Variants in RAB24 observed in about 807,000 individuals in gnomAD.
RAB24 encodes RAB24, member RAS oncogene family.
A neutral mutation model predicts 31.4 loss-of-function variants in RAB24; 9 were observed. The ratio of observed to expected loss-of-function variants is 0.29; its 90% CI spans 0.17 to 0.50. The LOEUF is 0.50. Among genes scored for constraint, RAB24 ranks in the 20% least tolerant of loss-of-function variants. RAB24 has a pLI of 0.98. For missense variants in RAB24, 197 were observed against 265.2 expected (o/e 0.74, Z 1.79); for synonymous variants, 106 against 94.1 (o/e 1.13, Z -0.73).
In RAB24 at chr5:177,303,155, C is replaced by T; in HGVS notation, c.117+17G>A. The T allele has an allele frequency of 1.2e-6, 2 of 1,613,536 alleles. No individual in the cohort carries two copies. The highest frequency in any genetic ancestry group is 8.5e-7 in the Non-Finnish European group (1 of 1,179,902). ...ACTCCCCCGCCCACCGTGCCTGGCC[C>T]CTCCGGATGCACTCACGTTCTGATA... On this transcript the variant is annotated intron_variant, in intron 1 of 7. Coordinates refer to ENST00000303251, the MANE Select transcript of RAB24 (RefSeq NM_001031677.4). The surrounding 1 kb of genome is among the most constrained non-coding windows in gnomAD (Gnocchi z 6.1).
Position 177,301,391 on chromosome 5 carries a change from G to T in RAB24, c.*352C>A. On this transcript the variant is annotated 3_prime_UTR_variant, in exon 8 of 8. Transcript: ENST00000303251. ...ATATAAGCAGTGAGGCCAGCCGGGT[G>T]GCCCCAGGAAGAACTAGGTGTCTTG... is the stretch of plus-strand genomic sequence containing the variant. The T allele has an allele frequency of 3.6e-6, 1 of 280,144 alleles. No homozygotes were observed. The highest frequency in any genetic ancestry group is 6.9e-6 in the Non-Finnish European group (1 of 145,764). 17.4% of individuals were successfully genotyped at this position (280,144 alleles called of 1,614,324 possible). A position where few individuals can be genotyped will look rare whatever the true frequency, so the allele number is the denominator to read the frequency against.
chr5:177,303,039 G>T lies in RAB24; in HGVS notation c.156C>A (p.Val52=). ...TACCTAATGTCACAGTCCGGTCTCC[G>T]ACCGACATCACCTTGGCCACGAAGG... ...GAAFVAKVMS[V]GDRTVTLGIW... is the part of the protein sequence containing the mutation. Residue 52 remains valine (V), a synonymous_variant, in exon 2 of 8, where the codon GTC becomes GTA. Coordinates refer to ENST00000303251, the MANE Select transcript of RAB24 (RefSeq NM_001031677.4). This position sits in a 1 kb window ranked among gnomAD's most constrained non-coding sequence, Gnocchi z 6.1. 1.9e-6 allele frequency: 3 copies of T among 1,614,088 alleles called. No individual in the cohort carries two copies. The highest frequency in any genetic ancestry group is 2.5e-6 in the Non-Finnish European group (3 of 1,180,042).
rs1203798502 is a variant in RAB24, at chr5:177,302,836, G to T, written c.187-6C>A. 1 of 1,608,658 alleles carries T rather than the reference G, an allele frequency of 6.2e-7. No homozygotes were observed. The highest frequency in any genetic ancestry group is 8.5e-7 in the Non-Finnish European group (1 of 1,178,928). ...CGCTCAGAGCCTGCTGTGTCCTAAA[G>T]AGTAAGGCCTGAGTCAAACTTAAGG... On this transcript the variant is annotated splice_region_variant and splice_polypyrimidine_tract_variant and intron_variant, in intron 2 of 7. Transcript: ENST00000303251.
In RAB24 at chr5:177,303,075, G is replaced by A; in HGVS notation, c.120C>T (p.Thr40=). 6.2e-7 allele frequency: 1 copy of A among 1,614,046 alleles called. No individual in the cohort carries two copies. The highest frequency in any genetic ancestry group is 8.5e-7 in the Non-Finnish European group (1 of 1,180,036). ...CCTTGGCCACGAAGGCGGCCCCGAT[G>A]GTCTGCAACGAGAGGGAAGAGATCG... ...DRFLVGPYQN[T]IGAAFVAKVM... is the part of the protein sequence containing the mutation. Residue 40 remains threonine (T), a splice_region_variant and synonymous_variant, in exon 2 of 8, where the codon ACC becomes ACT. Coordinates refer to ENST00000303251, the MANE Select transcript of RAB24 (RefSeq NM_001031677.4). This position sits in a 1 kb window ranked among gnomAD's most constrained non-coding sequence, Gnocchi z 6.1.
Position 177,303,169 on chromosome 5 carries a change from C to T in RAB24, c.117+3G>A. On this transcript the variant is annotated splice_donor_region_variant and intron_variant, in intron 1 of 7. Coordinates refer to ENST00000303251, the MANE Select transcript of RAB24 (RefSeq NM_001031677.4). The surrounding 1 kb of genome is among the most constrained non-coding windows in gnomAD (Gnocchi z 6.1). ...CGTGCCTGGCCCCTCCGGATGCACT[C>T]ACGTTCTGATAAGGCCCCACCAGAA... 2.5e-6 allele frequency: 4 copies of T among 1,613,736 alleles called. No homozygotes were observed. The highest frequency in any genetic ancestry group is 3.4e-6 in the Non-Finnish European group (4 of 1,180,004).
Position 177,302,042 on chromosome 5 carries a change from C to T in RAB24, c.485-55G>A, listed in dbSNP as rs1760684883. 1.9e-6 allele frequency: 3 copies of T among 1,609,986 alleles called. No individual in the cohort carries two copies. The East Asian group carries it at 6.7e-5, about 36-fold the overall frequency. ...CCCAATGCCAGTAGCCCTGGGATCT[C>T]CCAGTGACCCAGCCCTCTGTGCCCT... On this transcript the variant is annotated intron_variant, in intron 6 of 7. Coordinates refer to ENST00000303251, the MANE Select transcript of RAB24 (RefSeq NM_001031677.4).
rs377175874 is a variant in RAB24, at chr5:177,303,122, G to A, written c.118-45C>T. ...ATCGGGGCCATAGGTGCAGATTACC[G>A]GCCCCCCACTCCCCCGCCCACCGTG... is the stretch of plus-strand genomic sequence containing the variant. On this transcript the variant is annotated intron_variant, in intron 1 of 7. Coordinates refer to ENST00000303251, the MANE Select transcript of RAB24 (RefSeq NM_001031677.4). This position sits in a 1 kb window ranked among gnomAD's most constrained non-coding sequence, Gnocchi z 6.1. The A allele has an allele frequency of 3.7e-6, 6 of 1,613,030 alleles. No homozygotes were observed. The African/African-American group carries it at 5.3e-5, about 14-fold the overall frequency.
Position 177,303,002 on chromosome 5 carries a change from G to A in RAB24, c.186+7C>T, listed in dbSNP as rs1025200826. 4 of 1,613,916 alleles carry A rather than the reference G, an allele frequency of 2.5e-6. No individual in the cohort carries two copies. In the South Asian group the frequency reaches 4.4e-5, roughly 18 times the overall value. On this transcript the variant is annotated splice_region_variant and intron_variant, in intron 2 of 7. Coordinates refer to ENST00000303251, the MANE Select transcript of RAB24 (RefSeq NM_001031677.4). The surrounding 1 kb of genome is among the most constrained non-coding windows in gnomAD (Gnocchi z 6.1). The stretch of plus-strand genomic sequence containing the variant: ...GTCTCCCAAGAATAGATGGCCGGGG[G>A]ACTTACCCAAATACCTAATGTCACA...
intron 5 of RAB24, 43 bp downstream of exon 5, chr5:177,302,354 C>A: frequency 1.2e-6 from 2 of 1,605,654 alleles, no homozygotes; most frequent in East Asian, 4.5e-5. Context: ...TCCACCCAGA[C>A]AGCCACACAC....
chr5:177,302,633 T>C lies in RAB24; in HGVS notation c.277A>G (p.Ser93Gly), dbSNP rs754078874. Residue 93 changes from serine (S) to glycine (G), a missense_variant, in exon 4 of 8, where the codon AGC becomes GGC. Coordinates refer to ENST00000303251, the MANE Select transcript of RAB24 (RefSeq NM_001031677.4). ...AACTTTGCTCGCTCAAAGCTGCTGC[T>C]GTCTGTGAGGTCTTGGTGTGCGGCA... is the stretch of plus-strand genomic sequence containing the variant. ...AAIVCYDLTD[S>G]SSFERAKFWV... is the part of the protein sequence containing the mutation. 2 of 1,614,190 alleles carry C rather than the reference T, an allele frequency of 1.2e-6. No individual in the cohort carries two copies. Among genetic ancestry groups the C allele is most frequent in the South Asian group, 2.2e-5 (2 of 91,082 alleles).
chr5:177,301,933 A>C lies in RAB24; in HGVS notation c.539T>G (p.Val180Gly), dbSNP rs1212965986. 6.2e-7 allele frequency: 1 copy of C among 1,614,028 alleles called. No individual in the cohort carries two copies. ...EDYVSVAAFQVMTEDKGVDLG... is the reference protein window; with the variant it reads ...EDYVSVAAFQGMTEDKGVDLG... Reference sequence around the variant, plus strand: ...GCTGGGGAAGCACACACCTGTCATCACCTGGAAGGCAGCCACACTGACGTA... The same window carrying C: ...GCTGGGGAAGCACACACCTGTCATCCCCTGGAAGGCAGCCACACTGACGTA... Residue 180 changes from valine (V) to glycine (G), a missense_variant, in exon 7 of 8, where the codon GTG becomes GGG. Transcript: ENST00000303251.
rs1337373986 is a variant in RAB24 at position 177,301,519 on chromosome 5, C to T, written c.*224G>A. The T allele has an allele frequency of 3.4e-5, 20 of 590,050 alleles. No homozygotes were observed. The highest frequency in any genetic ancestry group is 5.4e-5 in the Non-Finnish European group (18 of 331,182). The allele number at this position is 590,050 out of a possible 1,614,324, so 36.6% of individuals were successfully genotyped here. A position where few individuals can be genotyped will look rare whatever the true frequency, so the allele number is the denominator to read the frequency against. On this transcript the variant is annotated 3_prime_UTR_variant, in exon 8 of 8. Transcript: ENST00000303251. ...CTTAAATAATCTGCAGACACAAGTG[C>T]TGTCCAGGGCAGAAGCCTGGGGTCC...
In RAB24 at chr5:177,302,810, G is replaced by A; in HGVS notation, c.207C>T (p.Arg69=). ...LGIWDTAGSE[R]YEAMSRIYYR... ...AGTAGATTCTACTCATGGCCTCATA[G>A]CGCTCAGAGCCTGCTGTGTCCTAAA... The change falls in exon 3 of 8, where the codon CGC becomes CGT. Residue 69 remains arginine, a synonymous_variant. Transcript: ENST00000303251. 6.2e-7 allele frequency: 1 copy of A among 1,605,492 alleles called. No individual in the cohort carries two copies. The highest frequency in any genetic ancestry group is 8.5e-7 in the Non-Finnish European group (1 of 1,178,384).
At chr5:177,302,851 C>A (rs756916252) in intron 2 of RAB24, 21 bp from the exon 3 acceptor site, 1 of 1,610,434 alleles carries the variant, frequency 6.2e-7, no homozygotes, top group Admixed American at 1.7e-5. Context: ...AGGCCTGAGT[C>A]AAACTTAAGG....
At position 177,303,127 on chromosome 5, in the gene RAB24, C is replaced by T; in HGVS notation, c.117+45G>A. The T allele has an allele frequency of 1.2e-6, 2 of 1,613,378 alleles. No individual in the cohort carries two copies. Among genetic ancestry groups the T allele is most frequent in the South Asian group, 1.1e-5 (1 of 91,070 alleles). ...GGCCATAGGTGCAGATTACCGGCCC[C>T]CCACTCCCCCGCCCACCGTGCCTGG... On this transcript the variant is annotated intron_variant, in intron 1 of 7. Coordinates refer to ENST00000303251, the MANE Select transcript of RAB24 (RefSeq NM_001031677.4). The surrounding 1 kb of genome is among the most constrained non-coding windows in gnomAD (Gnocchi z 6.1).
intron 6 of RAB24, 25 bp from the exon 7 acceptor site, chr5:177,302,012 G>A (rs1409626531): frequency 5.0e-6 from 8 of 1,613,592 alleles, no homozygotes; most frequent in South Asian, 2.2e-5. Flanking sequence ...GATGATCAGC[G>A]AGGGCCCAAT....
exon 1 of RAB24, chr5:177,303,716 AGAGGGC>A (rs1449704900): frequency 1.1e-5 from 4 of 367,074 alleles, no homozygotes; most frequent in Admixed American, 4.7e-5. The surrounding 1 kb of genome is among the most constrained non-coding windows in gnomAD (Gnocchi z 6.1). Flanking sequence ...GGAGGGGGCT[AGAGGGC>A]GAGGGGGCGG....
Position 177,303,300 on chromosome 5 carries a change from C to T in RAB24, c.-12G>A. On this transcript the variant is annotated 5_prime_UTR_variant, in exon 1 of 8. Transcript: ENST00000303251. The surrounding 1 kb of genome is among the most constrained non-coding windows in gnomAD (Gnocchi z 6.1). The stretch of plus-strand genomic sequence containing the variant: ...CGCTGCCCGCTCATGCTCCCGGGGC[C>T]GCTTCAGCCACGTCAGGGTCCTGAG... 1 of 1,612,996 alleles carries T rather than the reference C, an allele frequency of 6.2e-7. No individual in the cohort carries two copies. The highest frequency in any genetic ancestry group is 8.5e-7 in the Non-Finnish European group (1 of 1,179,546).
chr5:177,303,490 GC>G lies in RAB24; in HGVS notation c.-203del. On this transcript the variant is annotated 5_prime_UTR_variant, in exon 1 of 8. Transcript: ENST00000303251. The surrounding 1 kb of genome is among the most constrained non-coding windows in gnomAD (Gnocchi z 6.1). ...GCGCCCCGTGTGCCCCCGCTGTTCG[GC>G]CCCGGGCGCCGATTATCCTTCGAAG... The G allele has an allele frequency of 1.6e-6, 1 of 607,110 alleles. No individual in the cohort carries two copies. Among genetic ancestry groups the G allele is most frequent in the Non-Finnish European group, 2.9e-6 (1 of 343,484 alleles). 37.6% of individuals were successfully genotyped at this position (607,110 alleles called of 1,614,324 possible). A position where few individuals can be genotyped will look rare whatever the true frequency, so the allele number is the denominator to read the frequency against.
Sources: allele counts gnomAD v4.1 joint callset, GRCh38; gene constraint gnomAD v4.1.1; non-coding constraint Gnocchi (gnomAD v3.1); transcripts MANE v1.5; gene names NCBI Gene and HGNC (gene_info 2026-07-23, HGNC 2026-07-21).